Variants in NPAS3 observed in about 807,000 individuals in gnomAD.
The protein encoded by NPAS3 is neuronal PAS domain protein 3, also known as neuronal PAS domain-containing protein 3.
In NPAS3, 14 loss-of-function variants were observed where a neutral mutation model predicts 73.1. The observed-to-expected ratio is 0.19, with a 90% confidence interval of 0.13 to 0.30. NPAS3 has a LOEUF of 0.30. Among genes scored for constraint, NPAS3 ranks in the 10% least tolerant of loss-of-function variants. The probability of loss-of-function intolerance (pLI) is 1.00; values close to 1 mark genes in which losing one functional copy is unlikely to be tolerated. For missense variants in NPAS3, 1,096 were observed against 1,250.0 expected (o/e 0.88, Z 1.86); for synonymous variants, 620 against 541.5 (o/e 1.14, Z -2.01).
At chr14:33,762,524 A>G (rs537694938) in intron 7 of NPAS3, among the ~76,000 whole-genome samples, 191 of 152,322 alleles carry the variant, frequency 1.3e-3, no homozygotes, top group Middle Eastern at 6.8e-3. Flanking sequence ...TCTTCCTGAA[A>G]TGATGACTTA....
In NPAS3 at chr14:33,800,482, C is replaced by T; in HGVS notation, c.2175C>T (p.Ala725=). 1 of 1,481,902 alleles carries T rather than the reference C, an allele frequency of 6.7e-7. No homozygotes were observed. Among genetic ancestry groups the T allele is most frequent in the Non-Finnish European group, 8.9e-7 (1 of 1,122,564 alleles). The allele number at this position is 1,481,902 out of a possible 1,614,324, so 91.8% of individuals were successfully genotyped here. Residue 725 remains alanine, a synonymous_variant, in exon 12 of 12, where the codon GCC becomes GCT. Coordinates refer to ENST00000356141, the Ensembl canonical transcript of NPAS3. The surrounding 1 kb of genome is among the most constrained non-coding windows in gnomAD (Gnocchi z 6.5). Reference sequence around the variant, plus strand: ...CCCCGCCCGGCGCCGACGGCGCGGCCGCCCGCAAGACTCAGTTCGGCGCCT... The same window carrying T: ...CCCCGCCCGGCGCCGACGGCGCGGCTGCCCGCAAGACTCAGTTCGGCGCCT...
chr14:33,008,229 C>T lies in NPAS3; in HGVS notation c.51-47676C>T, dbSNP rs978323707. On this transcript the variant is annotated intron_variant, in intron 1 of 11. Transcript: ENST00000356141. ...GTTAAATAAATTGTGGAAATCTGCA[C>T]GGTTAAAAAAAATGAACTACATGTA... Among the ~76,000 whole-genome samples, 28 of 151,934 alleles carry T rather than the reference C, an allele frequency of 1.8e-4. 1 individual carries two copies. Among genetic ancestry groups the T allele is most frequent in the African/African-American group, 1.4e-4 (6 of 41,444 alleles).
chr14:33,123,954 G>C (rs753831575), intron 2 of NPAS3, among the ~76,000 whole-genome samples: 1 of 149,802 alleles, frequency 6.7e-6, no homozygotes, highest in African/African-American at 2.5e-5. Flanking sequence ...CTCCACTTCT[G>C]GGCTCAGGTT....
chr14:33,195,780 T>A (rs1300636935), intron 2 of NPAS3, among the ~76,000 whole-genome samples: 1 of 152,230 alleles, frequency 6.6e-6, no homozygotes, highest in Admixed American at 6.5e-5. Flanking sequence ...AGTTTTCATG[T>A]ATTGTCTGTG....
At position 33,629,574 on chromosome 14, in the gene NPAS3, G is replaced by GT. The variant is rs61168695; in HGVS notation, c.559-46626dup. Among the ~76,000 whole-genome samples, 870 of 144,434 alleles carry GT rather than the reference G, an allele frequency of 6.0e-3. 3 individuals are homozygous for GT. The highest frequency in any genetic ancestry group is 0.011 in the African/African-American group (422 of 39,876). 94.8% of individuals were successfully genotyped at this position (144,434 alleles called of 152,430 possible). ...CTCAATGGTTTTTTTTGTTGTTTTTGTTTTTTTTTTTAACACATTCCCTCT... is the reference window on the plus strand; with the variant it reads ...CTCAATGGTTTTTTTTGTTGTTTTTGTTTTTTTTTTTTAACACATTCCCTCT... On this transcript the variant is annotated intron_variant, in intron 5 of 11. Coordinates refer to ENST00000356141, the Ensembl canonical transcript of NPAS3.
intron 2 of NPAS3, among the ~76,000 whole-genome samples, chr14:33,164,572 T>G (rs918552521): frequency 6.6e-6 from 1 of 152,186 alleles, no homozygotes; most frequent in Non-Finnish European, 1.5e-5. Flanking sequence ...TTATTCTAGT[T>G]ACTGTTAGTG....
intron 2 of NPAS3, among the ~76,000 whole-genome samples, chr14:33,206,619 A>G (rs563163659): frequency 1.4e-3 from 211 of 152,302 alleles, no homozygotes; most frequent in Non-Finnish European, 2.3e-3. Context: ...ATTGGCAACC[A>G]TGAATTAGAT....
At position 33,531,683 on chromosome 14, in the gene NPAS3, G is replaced by T. The variant is rs1388046983; in HGVS notation, c.469-28438G>T. ...TGAACATAGACTTACATTTCCCTAG[G>T]GTAAATACCTAGGAGTAGGGCTTCT... On this transcript the variant is annotated intron_variant, in intron 4 of 11. Coordinates refer to ENST00000356141, the Ensembl canonical transcript of NPAS3. Among the ~76,000 whole-genome samples the T allele has an allele frequency of 2.0e-5, 3 of 151,924 alleles. No homozygotes were observed. The East Asian group carries it at 5.8e-4, about 29-fold the overall frequency.
chr14:32,947,622 A>G (rs2036315758), intron 1 of NPAS3, among the ~76,000 whole-genome samples: 5 of 152,150 alleles, frequency 3.3e-5, no homozygotes, highest in South Asian at 2.1e-4. Context: ...TAAATTATAT[A>G]TAAAATATGT....
chr14:33,711,602 G>T (rs1330801314), intron 6 of NPAS3, among the ~76,000 whole-genome samples: 1 of 152,160 alleles, frequency 6.6e-6, no homozygotes, highest in East Asian at 1.9e-4. Context: ...ACTTACAGTT[G>T]ATTTACTATA....
chr14:33,571,859 T>C (rs1259023685), intron 5 of NPAS3, among the ~76,000 whole-genome samples: 4 of 152,232 alleles, frequency 2.6e-5, no homozygotes, highest in Admixed American at 2.0e-4. Flanking sequence ...ATAGCAATTA[T>C]ACAAAAACAA....
At chr14:33,225,581 G>GT (rs573153015) in intron 3 of NPAS3, among the ~76,000 whole-genome samples, 184 of 152,318 alleles carry the variant, frequency 1.2e-3, no homozygotes, top group African/African-American at 4.2e-3. Context: ...TAGACAAGCT[G>GT]TAATGGAATG....
At chr14:33,457,866 CT>C (rs1215561852) in intron 4 of NPAS3, among the ~76,000 whole-genome samples, 6 of 152,170 alleles carry the variant, frequency 3.9e-5, no homozygotes, top group Non-Finnish European at 7.4e-5. Context: ...GGCCAACCCC[CT>C]GGACACCCCT....
chr14:33,579,291 A>G (rs960546126), intron 5 of NPAS3, among the ~76,000 whole-genome samples: 6 of 152,232 alleles, frequency 3.9e-5, no homozygotes, highest in African/African-American at 1.4e-4. Flanking sequence ...AAAATAAATA[A>G]AGAAATGCAG....
chr14:33,407,624 C>T (rs1242970809), intron 4 of NPAS3, among the ~76,000 whole-genome samples: 1 of 152,070 alleles, frequency 6.6e-6, no homozygotes, highest in African/African-American at 2.4e-5. Context: ...TATGTAAGTA[C>T]AGATTGATAA....
intron 6 of NPAS3, among the ~76,000 whole-genome samples, chr14:33,676,732 C>A (rs972760820): frequency 1.3e-5 from 2 of 152,112 alleles, no homozygotes; most frequent in African/African-American, 4.8e-5. Flanking sequence ...TATTATTCAG[C>A]AAAATCTATG....
intron 4 of NPAS3, among the ~76,000 whole-genome samples, chr14:33,516,918 C>T (rs770792978): frequency 6.6e-6 from 1 of 152,036 alleles, no homozygotes; most frequent in African/African-American, 2.4e-5. Flanking sequence ...AAATTTCTCC[C>T]TTCTCTAAAC....
At chr14:33,192,818 A>G (rs1566659362) in intron 2 of NPAS3, among the ~76,000 whole-genome samples, 1 of 152,236 alleles carries the variant, frequency 6.6e-6, no homozygotes, top group Non-Finnish European at 1.5e-5. Flanking sequence ...TCACAAGCAC[A>G]GTGTCACCTA....
At chr14:33,005,498 G>C (rs922405988) in intron 1 of NPAS3, among the ~76,000 whole-genome samples, 2 of 152,080 alleles carry the variant, frequency 1.3e-5, no homozygotes, top group African/African-American at 4.8e-5. Flanking sequence ...CTGAGAGGTG[G>C]GCTTGAGAGT....
Sources: gnomAD v4.1 joint callset for allele counts (sites outside exome capture counted in the v4.1 genomes callset) on GRCh38, gnomAD v4.1.1 for gene constraint, Gnocchi (gnomAD v3.1) non-coding constraint, MANE v1.5 for transcripts, NCBI Gene and HGNC (gene_info 2026-07-23, HGNC 2026-07-21) for gene names.